The following APOOL variants were observed in gnomAD, a reference collection of about 807,000 sequenced individuals.
APOOL encodes the protein MICOS complex subunit MIC27.
In APOOL, 12 loss-of-function variants were observed where a neutral mutation model predicts 23.1. The observed-to-expected ratio is 0.52, with a 90% confidence interval of 0.33 to 0.84. The LOEUF is 0.84. APOOL is among the 40% of genes least tolerant of loss of function. The pLI is 0.02. For missense variants in APOOL, 212 were observed against 199.6 expected (o/e 1.06, Z -0.37); for synonymous variants, 77 against 69.9 (o/e 1.10, Z -0.51).
intron 1 of APOOL, among the ~76,000 whole-genome samples, chrX:85,027,625 G>T (rs1280792858): frequency 9.0e-6 from 1 of 111,567 alleles, no homozygotes; most frequent in Non-Finnish European, 1.9e-5. Flanking sequence ...GTTTGGGTCA[G>T]TATTTTTCAT....
intron 1 of APOOL, among the ~76,000 whole-genome samples, chrX:85,012,390 A>G (rs562112234): frequency 9.0e-6 from 1 of 111,328 alleles, no homozygotes; most frequent in South Asian, 3.8e-4. Context: ...TGTTGAATAG[A>G]AGTGGTGACA....
rs931794431 is a variant in APOOL at position 85,076,044 on chromosome X, C to G, written c.718+1653C>G. ...TAGACAGCCTACTTCTCATTGTATT[C>G]TCACATGGCAGAGAAGAGAGGGAAG... On this transcript the variant is annotated intron_variant, in intron 8 of 8. Transcript: ENST00000373173. 3.6e-5 allele frequency among the ~76,000 whole-genome samples: 4 copies of G among 111,167 alleles called. No individual in the cohort carries two copies. The Admixed American group carries it at 3.9e-4, about 11-fold the overall frequency.
At chrX:85,079,255 G>C (rs1368219626) in intron 8 of APOOL, among the ~76,000 whole-genome samples, 1 of 111,558 alleles carries the variant, frequency 9.0e-6, no homozygotes, top group Non-Finnish European at 1.9e-5. Context: ...ATTATATTTA[G>C]ATATGTTCCA....
At chrX:85,031,280 C>T (rs1032420541) in intron 1 of APOOL, among the ~76,000 whole-genome samples, 1 of 111,391 alleles carries the variant, frequency 9.0e-6, no homozygotes, top group Non-Finnish European at 1.9e-5. Flanking sequence ...AATGTTATTA[C>T]GTAAAATGAC....
intron 1 of APOOL, among the ~76,000 whole-genome samples, chrX:85,018,324 T>C (rs759809874): frequency 1.9e-3 from 215 of 111,708 alleles, no homozygotes; most frequent in African/African-American, 6.6e-3. Context: ...GTATGTCATA[T>C]GGTGAGAGTG....
In APOOL at chrX:85,092,402, A is replaced by G; in HGVS notation, c.*4724A>G. ...TTACAAAGCCTCTTTCATTCTTCCCATGCCATGTCCAGGAGTTCTTCTCTG... is the reference window on the plus strand; with the variant it reads ...TTACAAAGCCTCTTTCATTCTTCCCGTGCCATGTCCAGGAGTTCTTCTCTG... On this transcript the variant is annotated 3_prime_UTR_variant, in exon 9 of 9. Transcript: ENST00000373173. 2 of 1,169,919 alleles carry G rather than the reference A, an allele frequency of 1.7e-6. No homozygotes were observed. The highest frequency in any genetic ancestry group is 2.3e-6 in the Non-Finnish European group (2 of 875,002).
intron 1 of APOOL, among the ~76,000 whole-genome samples, chrX:85,041,261 T>G (rs983630030): frequency 8.9e-6 from 1 of 111,736 alleles, no homozygotes; most frequent in Admixed American, 9.5e-5. Context: ...GCCACTTTTC[T>G]GTAAGGCTGC....
intron 1 of APOOL, among the ~76,000 whole-genome samples, chrX:85,035,376 A>G (rs1309320141): frequency 9.0e-6 from 1 of 110,783 alleles, no homozygotes; most frequent in Non-Finnish European, 1.9e-5. Flanking sequence ...TTAGATGCAT[A>G]GTTTGTGAAT....
chrX:85,006,028 T>A (rs1487365939), intron 1 of APOOL, among the ~76,000 whole-genome samples: 1 of 112,365 alleles, frequency 8.9e-6, no homozygotes, highest in African/African-American at 3.2e-5. Flanking sequence ...CTAAAACACG[T>A]TACATGTGTT....
chrX:85,070,559 T>A lies in APOOL; in HGVS notation c.486+3341T>A, dbSNP rs185118963. ...ACTTTACTGAAGGGTATTTTTAAAT[T>A]TTCACAATATTTAATTGATGAATAA... On this transcript the variant is annotated intron_variant, in intron 6 of 8. Coordinates refer to ENST00000373173, the MANE Select transcript of APOOL (RefSeq NM_198450.6). Among the ~76,000 whole-genome samples, 680 of 111,791 alleles carry A rather than the reference T, an allele frequency of 6.1e-3. 5 individuals are homozygous for A. The highest frequency in any genetic ancestry group is 0.02 in the African/African-American group (631 of 30,845).
At chrX:85,031,803 A>G (rs1165565361) in intron 1 of APOOL, among the ~76,000 whole-genome samples, 1 of 112,194 alleles carries the variant, frequency 8.9e-6, no homozygotes, top group Non-Finnish European at 1.9e-5. Context: ...CTGAGAGAAC[A>G]AACAGTATTT....
chrX:85,019,912 A>G (rs1921601056), intron 1 of APOOL, among the ~76,000 whole-genome samples: 1 of 111,910 alleles, frequency 8.9e-6, no homozygotes, highest in Admixed American at 9.4e-5. Flanking sequence ...GGCAAACAGC[A>G]GTGATAGCTG....
chrX:85,074,227 A>G, intron 7 of APOOL, 47 bp from the exon 8 acceptor site: 1 of 1,198,517 alleles, frequency 8.3e-7, no homozygotes, highest in Non-Finnish European at 1.1e-6. Context: ...GATGAAGGAA[A>G]TAGTAAAATG....
intron 1 of APOOL, among the ~76,000 whole-genome samples, chrX:85,038,958 G>C (rs1379562332): frequency 9.1e-6 from 1 of 110,299 alleles, no homozygotes; most frequent in Non-Finnish European, 1.9e-5. Flanking sequence ...TGGTTGGTTG[G>C]TTCTTGTTTT....
chrX:85,039,865 A>G (rs1357985938), intron 1 of APOOL, among the ~76,000 whole-genome samples: 3 of 112,009 alleles, frequency 2.7e-5, no homozygotes, highest in African/African-American at 6.5e-5. Flanking sequence ...TTGCCACTGC[A>G]TGCCTTTCAA....
At chrX:85,024,937 ATTG>A (rs1479550782) in intron 1 of APOOL, among the ~76,000 whole-genome samples, 1 of 112,423 alleles carries the variant, frequency 8.9e-6, no homozygotes, top group East Asian at 2.8e-4. Flanking sequence ...GGTACAGACC[ATTG>A]TTGTAAACTG....
chrX:85,086,926 C>A (rs969795400), intron 8 of APOOL, among the ~76,000 whole-genome samples: 2 of 109,230 alleles, frequency 1.8e-5, no homozygotes, highest in Non-Finnish European at 3.8e-5. Context: ...GTCTTGATCT[C>A]CTGACCTCGT....
intron 1 of APOOL, among the ~76,000 whole-genome samples, chrX:85,025,666 A>C (rs1419518191): frequency 9.1e-6 from 1 of 109,423 alleles, no homozygotes; most frequent in African/African-American, 3.2e-5. Flanking sequence ...CCAGCAGGGC[A>C]GTCATTAAAT....
At position 85,046,492 on chromosome X, in the gene APOOL, T is replaced by C. The variant is rs201608777; in HGVS notation, c.62T>C (p.Val21Ala). The stretch of plus-strand genomic sequence containing the variant: ...CCTGCAGGTCTGATATATGCATCTG[T>C]AAGTGTACATGCAGCCAAACAAGAG... ...TMPAGLIYAS[V>A]SVHAAKQEES... The change falls in exon 2 of 9, where the codon GTA becomes GCA. Residue 21 changes from valine (V) to alanine (A), a missense_variant. By Grantham distance (64) the Val-to-Ala change is moderately conservative. Transcript: ENST00000373173. 33 of 1,208,070 alleles carry C rather than the reference T, an allele frequency of 2.7e-5. 1 individual carries two copies. Among genetic ancestry groups the C allele is most frequent in the Middle Eastern group, 4.6e-4 (2 of 4,342 alleles).
Sources: gnomAD v4.1 joint callset for allele counts (sites outside exome capture counted in the v4.1 genomes callset) on GRCh38, gnomAD v4.1.1 for gene constraint, MANE v1.5 for transcripts, NCBI Gene and HGNC (gene_info 2026-07-23, HGNC 2026-07-21) for gene names.